CNTN5: variants seen among roughly 807,000 people sequenced by gnomAD.
CNTN5 encodes contactin 5.
In CNTN5, 77 loss-of-function variants were observed where a neutral mutation model predicts 129.1. The observed-to-expected ratio is 0.60, with a 90% CI of 0.50 to 0.72. The LOEUF (loss-of-function observed/expected upper bound fraction) is 0.72. Ranked by LOEUF, CNTN5 falls within the 30% of genes least tolerant of loss-of-function variation. The pLI is 0.00. For synonymous variants in CNTN5, 509 were observed against 465.6 expected, an observed-to-expected ratio of 1.09 and a Z score of -1.20; for missense variants, 1,478 against 1,328.8, an observed-to-expected ratio of 1.11 and a Z score of -1.75.
intron 3 of CNTN5, among the ~76,000 whole-genome samples, chr11:99,710,631 G>A (rs1335026338): frequency 6.7e-6 from 1 of 149,756 alleles, no homozygotes; most frequent in African/African-American, 2.5e-5. Context: ...GAGTAATAAA[G>A]GTCCACATCC....
At chr11:100,000,522 G>T (rs1939791384) in intron 8 of CNTN5, among the ~76,000 whole-genome samples, 1 of 152,204 alleles carries the variant, frequency 6.6e-6, no homozygotes, top group South Asian at 2.1e-4. Flanking sequence ...TCTTTCATGG[G>T]CTGCCGTTGA....
At chr11:99,547,251 TGCCTCG>T (rs1436096236) in intron 2 of CNTN5, among the ~76,000 whole-genome samples, 21 of 152,110 alleles carry the variant, frequency 1.4e-4, no homozygotes, top group Non-Finnish European at 1.5e-5. Flanking sequence ...GTGATCCGCC[TGCCTCG>T]GCCTCCCAAG....
chr11:99,683,012 A>G (rs75540364), intron 3 of CNTN5, among the ~76,000 whole-genome samples: 2,776 of 152,000 alleles, frequency 0.018, 114 homozygotes, highest in East Asian at 0.18. Context: ...ATTCTGTTGA[A>G]TTGTCTTATT....
At chr11:99,556,554 A>AATATATATAT (rs199758207) in intron 3 of CNTN5, among the ~76,000 whole-genome samples, 943 of 72,192 alleles carry the variant, frequency 0.013, 19 homozygotes, top group Non-Finnish European at 0.018. Flanking sequence ...AAGGCTTGGA[A>AATATATATAT]ATATATATAT....
At chr11:100,224,135 T>A (rs1949322387) in intron 15 of CNTN5, among the ~76,000 whole-genome samples, 1 of 152,124 alleles carries the variant, frequency 6.6e-6, no homozygotes, top group Admixed American at 6.5e-5. Context: ...TCCATGATGG[T>A]AGTGGTTATG....
chr11:100,355,970 A>G, intron 24 of CNTN5, 147 bp from the exon 25 acceptor site: 2 of 612,274 alleles, frequency 3.3e-6, no homozygotes, highest in Non-Finnish European at 5.8e-6. Flanking sequence ...AACCTCAGAT[A>G]ATGTCTGATT....
chr11:99,236,386 G>A (rs1426605830), intron 1 of CNTN5, among the ~76,000 whole-genome samples: 3 of 151,902 alleles, frequency 2.0e-5, no homozygotes, highest in Admixed American at 6.6e-5. Flanking sequence ...TACTAGCCTT[G>A]TGTTATTTTA....
chr11:99,688,376 AAC>A lies in CNTN5; in HGVS notation c.56-131163_56-131162del, dbSNP rs756160478. On this transcript the variant is annotated intron_variant, in intron 3 of 24. Transcript: ENST00000524871. ...TATTTAGAAGACAAACAAACAAAAA[AAC>A]ACACTTCAGGGACTACTTGAAGTCA... Among the ~76,000 whole-genome samples, 6 of 152,250 alleles carry A rather than the reference AAC, an allele frequency of 3.9e-5. No individual in the cohort carries two copies. The East Asian group carries it at 5.8e-4, about 15-fold the overall frequency.
Position 99,993,808 on chromosome 11 carries a change from G to A in CNTN5, c.878-8226G>A, listed in dbSNP as rs563839616. 7.2e-5 allele frequency among the ~76,000 whole-genome samples: 11 copies of A among 152,146 alleles called. 1 individual carries two copies. In the South Asian group the frequency reaches 1.7e-3, roughly 23 times the overall value. ...AATCCCATGAAATGTAAAGCAAAAC[G>A]TAACCACTGAATATTATCATTTGTT... is the stretch of plus-strand genomic sequence containing the variant. On this transcript the variant is annotated intron_variant, in intron 8 of 24. Transcript: ENST00000524871.
intron 9 of CNTN5, among the ~76,000 whole-genome samples, chr11:100,005,660 T>A (rs897527169): frequency 6.6e-6 from 1 of 152,176 alleles, no homozygotes; most frequent in Non-Finnish European, 1.5e-5. Context: ...CCCAAAAAAC[T>A]TTCTTGATCT....
In CNTN5 at chr11:99,338,263, C is replaced by A. The variant is rs117517342; in HGVS notation, c.-71+12779C>A. On this transcript the variant is annotated intron_variant, in intron 2 of 24. Coordinates refer to ENST00000524871, the MANE Select transcript of CNTN5 (RefSeq NM_014361.4). ...TTCCACCCAGCCTGGTCAAACAGCT[C>A]TATACTTGAGTCTCATTCTTTTTCT... 2.2e-3 allele frequency among the ~76,000 whole-genome samples: 335 copies of A among 152,270 alleles called. 1 individual carries two copies. The highest frequency in any genetic ancestry group is 7.8e-3 in the African/African-American group (325 of 41,560).
chr11:99,904,800 C>T (rs1949452952), intron 6 of CNTN5, among the ~76,000 whole-genome samples: 1 of 152,126 alleles, frequency 6.6e-6, no homozygotes, highest in Non-Finnish European at 1.5e-5. Flanking sequence ...CTCTGTAGCA[C>T]CTGTTGTTTC....
intron 6 of CNTN5, among the ~76,000 whole-genome samples, chr11:99,879,862 A>C (rs1948727218): frequency 6.6e-6 from 1 of 152,216 alleles, no homozygotes; most frequent in Admixed American, 6.5e-5. Context: ...GTCTAGCAAG[A>C]AGTCTATGTC....
chr11:99,366,292 C>T (rs1939441913), intron 2 of CNTN5, among the ~76,000 whole-genome samples: 1 of 152,284 alleles, frequency 6.6e-6, no homozygotes. Context: ...CTGCTCTTCT[C>T]AACCTTCACA....
At chr11:100,088,716 A>G (rs1360621869) in intron 13 of CNTN5, among the ~76,000 whole-genome samples, 1 of 152,158 alleles carries the variant, frequency 6.6e-6, no homozygotes, top group Non-Finnish European at 1.5e-5. Flanking sequence ...ACAGACCAGT[A>G]TCCAGTTCCA....
intron 13 of CNTN5, 118 bp from the exon 14 acceptor site, chr11:100,191,008 T>C: frequency 1.8e-6 from 1 of 570,054 alleles, no homozygotes; most frequent in Non-Finnish European, 2.9e-6. Flanking sequence ...ATTTTCACAG[T>C]GATCCTTTAT....
intron 7 of CNTN5, among the ~76,000 whole-genome samples, chr11:99,943,062 T>G (rs183647902): frequency 1.3e-5 from 2 of 152,178 alleles, no homozygotes; most frequent in African/African-American, 4.8e-5. Flanking sequence ...GTAATGGGAT[T>G]GCTGGGTCAA....
intron 14 of CNTN5, among the ~76,000 whole-genome samples, chr11:100,191,506 A>G (rs1948493049): frequency 6.6e-6 from 1 of 152,080 alleles, no homozygotes; most frequent in Admixed American, 6.6e-5. Flanking sequence ...GAATGAGGCA[A>G]GCTTTCTGAA....
In CNTN5 at chr11:100,039,672, T is replaced by C. The variant is rs140257510; in HGVS notation, c.981-21540T>C. Among the ~76,000 whole-genome samples, 1,238 of 152,332 alleles carry C rather than the reference T, an allele frequency of 8.1e-3. 12 individuals carry two copies. The highest frequency in any genetic ancestry group is 0.025 in the African/African-American group (1,049 of 41,566). ...TCTTGGAGGCTTTGTTTGTTTCTTT[T>C]TGTTCTTTTTTCTCTAAACTTGTCT... On this transcript the variant is annotated intron_variant, in intron 9 of 24. Coordinates refer to ENST00000524871, the MANE Select transcript of CNTN5 (RefSeq NM_014361.4).
Sources: gnomAD v4.1 joint callset for allele counts (sites outside exome capture counted in the v4.1 genomes callset) on GRCh38, gnomAD v4.1.1 for gene constraint, MANE v1.5 for transcripts, NCBI Gene and HGNC (gene_info 2026-07-23, HGNC 2026-07-21) for gene names.